Variants in RABGAP1L observed in about 807,000 individuals in gnomAD.
The protein encoded by RABGAP1L is rab GTPase-activating protein 1-like.
A neutral mutation model predicts 137.7 loss-of-function variants in RABGAP1L; 63 were observed. The ratio of observed to expected loss-of-function variants is 0.46; its 90% confidence interval spans 0.37 to 0.56. The LOEUF is 0.56. RABGAP1L is among the 20% of genes least tolerant of loss of function. The probability of loss-of-function intolerance (pLI) is 0.00; values close to 1 mark genes in which losing one functional copy is unlikely to be tolerated. For synonymous variants in RABGAP1L, 431 were observed against 433.7 expected (o/e 0.99, Z 0.08); for missense variants, 1,095 against 1,244.0 (o/e 0.88, Z 1.80).
At chr1:174,445,082 T>C (rs1654595986) in intron 13 of RABGAP1L, among the ~76,000 whole-genome samples, 1 of 152,128 alleles carries the variant, frequency 6.6e-6, no homozygotes. Flanking sequence ...GAAAAGTATA[T>C]AATGCACACA....
At position 174,978,838 on chromosome 1, in the gene RABGAP1L, A is replaced by G; in HGVS notation, c.2681A>G (p.Lys894Arg). 6.5e-7 allele frequency: 1 copy of G among 1,545,242 alleles called. No individual in the cohort carries two copies. Among genetic ancestry groups the G allele is most frequent in the Middle Eastern group, 1.7e-4 (1 of 5,960 alleles). The change falls in exon 23 of 26, where the codon AAG (lysine) becomes AGG (arginine). Residue 894 changes from lysine (K) to arginine (R), a missense_variant. Coordinates refer to ENST00000681986, the MANE Select transcript of RABGAP1L (RefSeq NM_001366446.1). ...LKEVFRKQLE[K>R]AEYEIKKTTA... ...GAAGTCTTCAGGAAACAGCTAGAGAAGGCAGAATATGAAATAAAGAAGACT... is the reference window on the plus strand; with the variant it reads ...GAAGTCTTCAGGAAACAGCTAGAGAGGGCAGAATATGAAATAAAGAAGACT...
At position 174,994,719 on chromosome 1, in the gene RABGAP1L, T is replaced by A. The variant is rs1672265430; in HGVS notation, c.*4718T>A. 1 of 152,224 alleles carries A rather than the reference T, an allele frequency of 6.6e-6. No homozygotes were observed. Among genetic ancestry groups the A allele is most frequent in the African/African-American group, 2.4e-5 (1 of 41,468 alleles). 9.4% of individuals were successfully genotyped at this position (152,224 alleles called of 1,614,324 possible). On this transcript the variant is annotated 3_prime_UTR_variant, in exon 26 of 26. Coordinates refer to ENST00000681986, the MANE Select transcript of RABGAP1L (RefSeq NM_001366446.1). ...CAAGATGTCCCAAAAGCCTTTTGTA[T>A]CAGTTTCTCTATTTTTGGTATTTTG...
rs760396421 is a variant in RABGAP1L, at chr1:174,241,541, T to C, written c.601T>C (p.Phe201Leu). The C allele has an allele frequency of 6.2e-7, 1 of 1,613,302 alleles. No individual in the cohort carries two copies. Among genetic ancestry groups the C allele is most frequent in the South Asian group, 1.1e-5 (1 of 91,038 alleles). ...IASFPIYKVL[F>L]CARGHDGTTE... ...ATCTTTTCCAATCTATAAGGTGTTATTCTGTGCACGTGGACATGACGGAAC... is the reference window on the plus strand; with the variant it reads ...ATCTTTTCCAATCTATAAGGTGTTACTCTGTGCACGTGGACATGACGGAAC... The change falls in exon 5 of 26, where the codon TTC (phenylalanine) becomes CTC (leucine). Residue 201 changes from phenylalanine (F) to leucine (L), a missense_variant. Physicochemically the swap from Phe to Leu is conservative, Grantham distance 22 (BLOSUM62 0). Coordinates refer to ENST00000681986, the MANE Select transcript of RABGAP1L (RefSeq NM_001366446.1).
intron 14 of RABGAP1L, among the ~76,000 whole-genome samples, chr1:174,670,876 A>G (rs1677127678): frequency 6.6e-6 from 1 of 152,096 alleles, no homozygotes; most frequent in Admixed American, 6.5e-5. Flanking sequence ...TATCTCTTCA[A>G]TATACTCATT....
intron 10 of RABGAP1L, among the ~76,000 whole-genome samples, chr1:174,286,775 A>G (rs1259398569): frequency 2.0e-5 from 3 of 151,888 alleles, no homozygotes; most frequent in African/African-American, 7.3e-5. Context: ...TCTTAGATGT[A>G]TTTTAAATTT....
intron 19 of RABGAP1L, among the ~76,000 whole-genome samples, chr1:174,908,846 G>A (rs542918867): frequency 2.7e-5 from 4 of 149,034 alleles, no homozygotes; most frequent in East Asian, 2.1e-4. Flanking sequence ...GCCTGGCCAC[G>A]AGATATTCTT....
intron 19 of RABGAP1L, among the ~76,000 whole-genome samples, chr1:174,862,501 A>G (rs1650426673): frequency 6.6e-6 from 1 of 152,088 alleles, no homozygotes; most frequent in Non-Finnish European, 1.5e-5. Flanking sequence ...AGTGGGTGTA[A>G]TGATCACTGT....
At chr1:174,633,238 A>C (rs1273004225) in intron 13 of RABGAP1L, among the ~76,000 whole-genome samples, 1 of 147,074 alleles carries the variant, frequency 6.8e-6, no homozygotes, top group Non-Finnish European at 1.5e-5. Context: ...ATACACCAAC[A>C]ACAGACAAAC....
At chr1:174,198,575 C>T (rs1212267112) in intron 1 of RABGAP1L, among the ~76,000 whole-genome samples, 2 of 152,090 alleles carry the variant, frequency 1.3e-5, no homozygotes, top group Non-Finnish European at 1.5e-5. Flanking sequence ...TAAGTCTTTC[C>T]AAAATGAAAA....
At chr1:174,951,843 A>G (rs1245639658) in intron 19 of RABGAP1L, among the ~76,000 whole-genome samples, 1 of 152,202 alleles carries the variant, frequency 6.6e-6, no homozygotes, top group Non-Finnish European at 1.5e-5. Flanking sequence ...AATGCCAATA[A>G]TATCTTACCT....
At chr1:174,281,530 C>T (rs981109896) in intron 10 of RABGAP1L, among the ~76,000 whole-genome samples, 6 of 152,164 alleles carry the variant, frequency 3.9e-5, no homozygotes, top group Admixed American at 6.5e-5. Flanking sequence ...ACCCAGAAGC[C>T]CAGCCGGATT....
chr1:174,796,706 G>T (rs368730381), intron 18 of RABGAP1L, among the ~76,000 whole-genome samples: 1 of 152,068 alleles, frequency 6.6e-6, no homozygotes, highest in South Asian at 2.1e-4. Context: ...AACTTGGTTT[G>T]CTCATTAAGA....
chr1:174,304,899 G>A, intron 10 of RABGAP1L, 87 bp from the exon 11 acceptor site: 1 of 1,230,082 alleles, frequency 8.1e-7, no homozygotes. Flanking sequence ...CTTCATTGCA[G>A]CTCTTTTGAA....
At chr1:174,491,658 G>A (rs1001966186) in intron 13 of RABGAP1L, among the ~76,000 whole-genome samples, 1 of 152,100 alleles carries the variant, frequency 6.6e-6, no homozygotes, top group African/African-American at 2.4e-5. Flanking sequence ...ACTCACCTAC[G>A]ACTTAGAGTC....
intron 1 of RABGAP1L, among the ~76,000 whole-genome samples, chr1:174,181,371 T>A (rs1279671912): frequency 2.0e-5 from 3 of 150,094 alleles, no homozygotes; most frequent in Non-Finnish European, 3.0e-5. Context: ...GGAGTCTTGC[T>A]CTGTCACCCA....
At chr1:174,833,201 A>G (rs1007609095) in intron 19 of RABGAP1L, among the ~76,000 whole-genome samples, 7 of 151,312 alleles carry the variant, frequency 4.6e-5, no homozygotes, top group Non-Finnish European at 1.0e-4. Flanking sequence ...CGCATAATGT[A>G]TTTATTTTTA....
intron 1 of RABGAP1L, among the ~76,000 whole-genome samples, chr1:174,187,081 C>G (rs1346844336): frequency 1.3e-5 from 2 of 152,124 alleles, no homozygotes; most frequent in African/African-American, 4.8e-5. Flanking sequence ...CATATTGTTC[C>G]CATAACCTGG....
At chr1:174,305,812 A>G (rs1678178623) in intron 11 of RABGAP1L, among the ~76,000 whole-genome samples, 1 of 152,072 alleles carries the variant, frequency 6.6e-6, no homozygotes, top group South Asian at 2.1e-4. Context: ...CATGTGCACA[A>G]CGTGCAGGTT....
At chr1:174,637,536 T>C in intron 14 of RABGAP1L, 48 bp downstream of exon 14, 6 of 1,357,146 alleles carry the variant, frequency 4.4e-6, no homozygotes, top group Non-Finnish European at 6.3e-6. Flanking sequence ...CAGAGCTATA[T>C]TTTAGAAACC....
Sources: gnomAD v4.1 joint callset for allele counts (sites outside exome capture counted in the v4.1 genomes callset) on GRCh38, gnomAD v4.1.1 for gene constraint, MANE v1.5 for transcripts, NCBI Gene and HGNC (gene_info 2026-07-23, HGNC 2026-07-21) for gene names.